NF1: variants seen among roughly 807,000 people sequenced by gnomAD.
The protein encoded by NF1 is neurofibromin.
A neutral mutation model predicts 325.7 loss-of-function variants in NF1; 122 were observed. The ratio of observed to expected loss-of-function variants is 0.37; its 90% CI spans 0.32 to 0.44. NF1 has a LOEUF of 0.44. NF1 is among the 20% of genes least tolerant of loss of function. The probability of loss-of-function intolerance (pLI) is 1.00; values close to 1 mark genes in which losing one functional copy is unlikely to be tolerated. For missense variants in NF1, 2,140 were observed against 3,415.4 expected (o/e 0.63, Z 9.31); for synonymous variants, 1,091 against 1,186.0 (o/e 0.92, Z 1.65).
intron 8 of NF1, among the ~76,000 whole-genome samples, chr17:31,198,695 A>G (rs2066476288): frequency 1.3e-5 from 2 of 151,934 alleles, no homozygotes; most frequent in Admixed American, 6.6e-5. Context: ...GCTCACTGCA[A>G]CCTCTGCCTC....
chr17:31,307,675 AT>A (rs2068760454), intron 36 of NF1, among the ~76,000 whole-genome samples: 2 of 152,180 alleles, frequency 1.3e-5, no homozygotes, highest in Non-Finnish European at 2.9e-5. Flanking sequence ...TACTGAGACA[AT>A]TTGCAACTTT....
At chr17:31,125,430 C>A (rs1914797817) in intron 1 of NF1, among the ~76,000 whole-genome samples, 1 of 151,904 alleles carries the variant, frequency 6.6e-6, no homozygotes, top group Non-Finnish European at 1.5e-5. Context: ...TGTGCACATG[C>A]AGGAATTTGA....
chr17:31,333,802 G>A (rs951694788), intron 39 of NF1, among the ~76,000 whole-genome samples: 3 of 152,230 alleles, frequency 2.0e-5, no homozygotes, highest in South Asian at 2.1e-4. Flanking sequence ...GTAAAGCCAC[G>A]GAACTGTACA....
In NF1 at chr17:31,181,476, A is replaced by G. The variant is rs746291745; in HGVS notation, c.641A>G (p.Asn214Ser). 6.2e-7 allele frequency: 1 copy of G among 1,613,568 alleles called. No individual in the cohort carries two copies. Among genetic ancestry groups the G allele is most frequent in the South Asian group, 1.1e-5 (1 of 91,042 alleles). ...LKKVAQLAVI[N>S]SLEKAFWNWV... ...AAGGTTGCGCAGTTAGCAGTTATAA[A>G]TAGCCTGGAAAAGGTAAGTTACAAC... Residue 214 changes from asparagine (N) to serine (S), a missense_variant, in exon 6 of 58, where the codon AAT becomes AGT. Physicochemically the swap from Asn to Ser is conservative, Grantham distance 46. This residue lies in a region of NF1 where 246 missense variants were observed against 347.8 expected (regional missense o/e 0.71). Coordinates refer to ENST00000358273, the MANE Select transcript of NF1 (RefSeq NM_001042492.3).
At chr17:31,259,174 A>G (rs1432321460) in intron 33 of NF1, 45 bp downstream of exon 33, 1 of 1,379,500 alleles carries the variant, frequency 7.2e-7, no homozygotes, top group Non-Finnish European at 1.0e-6. Flanking sequence ...TGAATCAAAT[A>G]TTTTCGGTTT....
intron 1 of NF1, among the ~76,000 whole-genome samples, chr17:31,102,367 T>C (rs562926445): frequency 2.6e-5 from 4 of 152,266 alleles, no homozygotes; most frequent in African/African-American, 9.6e-5. Context: ...TTATTATTTT[T>C]TGTGTGTGTG....
At chr17:31,211,141 T>C (rs2066721304) in intron 12 of NF1, among the ~76,000 whole-genome samples, 1 of 152,230 alleles carries the variant, frequency 6.6e-6, no homozygotes, top group South Asian at 2.1e-4. Context: ...CTGAAGACTC[T>C]GGTTCATGAA....
intron 13 of NF1, among the ~76,000 whole-genome samples, chr17:31,216,765 C>T (rs1184572399): frequency 1.3e-5 from 2 of 152,180 alleles, no homozygotes; most frequent in Non-Finnish European, 2.9e-5. Context: ...ATTTCTTCCA[C>T]ATGTAGCATT....
chr17:31,278,493 CTTTTTTTTTTTTTTTTTTTTTTTTTTTT>C (rs200450821), intron 36 of NF1, among the ~76,000 whole-genome samples: 8 of 15,340 alleles, frequency 5.2e-4, no homozygotes, highest in African/African-American at 1.4e-3. Flanking sequence ...GTAATTGAAG[CTTTTTTTTTTTTTTTTTTTTTTTTTTTT>C]TTTTTTTTTT....
intron 4 of NF1, among the ~76,000 whole-genome samples, chr17:31,166,633 A>G (rs1597640160): frequency 6.6e-6 from 1 of 152,018 alleles, no homozygotes; most frequent in Non-Finnish European, 1.5e-5. Context: ...ACTTTATCCA[A>G]AGTTTAGGCA....
chr17:31,362,047 C>T (rs1395341183), intron 57 of NF1, among the ~76,000 whole-genome samples: 1 of 152,166 alleles, frequency 6.6e-6, no homozygotes, highest in South Asian at 2.1e-4. Context: ...TGATCCCAGA[C>T]CAGCAGCATC....
intron 1 of NF1, among the ~76,000 whole-genome samples, chr17:31,109,576 G>A (rs950920597): frequency 3.3e-5 from 5 of 151,964 alleles, no homozygotes; most frequent in African/African-American, 1.2e-4. Flanking sequence ...TAGAGAAGGT[G>A]TTTCACTGTG....
At chr17:31,308,020 A>G (rs2068770191) in intron 36 of NF1, 5 of 822,912 alleles carry the variant, frequency 6.1e-6, no homozygotes, top group South Asian at 1.4e-5. Context: ...TCAAGCCTGA[A>G]TTTTAAAACA....
rs907591345 is a variant in NF1, at chr17:31,340,373, C to CT, written c.6922-129dup. ...GGAAAAGTGAAGAGCTTACTCATATCTTTATCTTCCCCAAAAGAGAAAACA... is the reference window on the plus strand; with the variant it reads ...GGAAAAGTGAAGAGCTTACTCATATCTTTTATCTTCCCCAAAAGAGAAAACA... On this transcript the variant is annotated intron_variant, in intron 46 of 57. Transcript: ENST00000358273. The CT allele has an allele frequency of 4.2e-6, 5 of 1,178,266 alleles. No homozygotes were observed. In the African/African-American group the frequency reaches 6.0e-5, roughly 14 times the overall value. 73.0% of individuals were successfully genotyped at this position (1,178,266 alleles called of 1,614,324 possible).
intron 38 of NF1, among the ~76,000 whole-genome samples, chr17:31,329,325 A>C (rs968794086): frequency 1.3e-5 from 2 of 152,222 alleles, no homozygotes; most frequent in Non-Finnish European, 2.9e-5. Flanking sequence ...AGCCTGGGTA[A>C]ACCTGTATTC....
At chr17:31,185,391 C>T (rs942471850) in intron 8 of NF1, among the ~76,000 whole-genome samples, 2 of 152,168 alleles carry the variant, frequency 1.3e-5, no homozygotes, top group African/African-American at 4.8e-5. Context: ...TGGTCTATTA[C>T]ATTAATGATA....
At position 31,098,120 on chromosome 17, in the gene NF1, T is replaced by G. The variant is rs1911934711; in HGVS notation, c.60+2751T>G. Among the ~76,000 whole-genome samples the G allele has an allele frequency of 2.7e-5, 4 of 148,212 alleles. 1 individual carries two copies. The highest frequency in any genetic ancestry group is 9.8e-5 in the African/African-American group (4 of 40,926). ...TTATATATATTATATATAGTATATA[T>G]ATAAAATAAATTAATATATTAATTT... On this transcript the variant is annotated intron_variant, in intron 1 of 57. Coordinates refer to ENST00000358273, the MANE Select transcript of NF1 (RefSeq NM_001042492.3).
intron 29 of NF1, among the ~76,000 whole-genome samples, chr17:31,242,743 C>T (rs1045729057): frequency 1.3e-5 from 2 of 152,192 alleles, no homozygotes; most frequent in Admixed American, 1.3e-4. Context: ...TATTTTGACT[C>T]CTCGGTCTGA....
chr17:31,263,328 T>C (rs1362830601), intron 35 of NF1, among the ~76,000 whole-genome samples: 1 of 152,022 alleles, frequency 6.6e-6, no homozygotes, highest in Non-Finnish European at 1.5e-5. Context: ...TGGTCCCAGC[T>C]ACCTGGGAGG....
Sources: allele counts gnomAD v4.1 joint callset (sites outside exome capture counted in the v4.1 genomes callset), GRCh38; gene constraint gnomAD v4.1.1; regional missense constraint gnomAD v4.1.1; transcripts MANE v1.5; gene names NCBI Gene and HGNC (gene_info 2026-07-23, HGNC 2026-07-21).